Variants in NOTCH2NLA observed in about 807,000 individuals in gnomAD.
The protein encoded by NOTCH2NLA is notch 2 N-terminal like A.
intron 3 of NOTCH2NLA, among the ~76,000 whole-genome samples, chr1:146,158,966 C>T (rs587686920): frequency 6.6e-6 from 1 of 151,492 alleles, no homozygotes; most frequent in East Asian, 2.0e-4. Context: ...TGTCTTTCCA[C>T]TCATGTCACT....
At position 146,187,358 on chromosome 1, in the gene NOTCH2NLA, T is replaced by C. The variant is rs1434095741; in HGVS notation, c.38+1942A>G. The stretch of plus-strand genomic sequence containing the variant: ...AAACACACATGTGCATGTGTCCTTA[T>C]AGTAGAATGATTTATAATCCTTTGG... On this transcript the variant is annotated intron_variant, in intron 2 of 4. Coordinates refer to ENST00000362074, the Ensembl canonical transcript of NOTCH2NLA. Among the ~76,000 whole-genome samples, 8 of 133,782 alleles carry C rather than the reference T, an allele frequency of 6.0e-5. 2 individuals are homozygous for C. Among genetic ancestry groups the C allele is most frequent in the Admixed American group, 2.4e-4 (3 of 12,716 alleles). 87.8% of individuals were successfully genotyped at this position (133,782 alleles called of 152,430 possible).
intron 2 of NOTCH2NLA, among the ~76,000 whole-genome samples, chr1:146,186,193 C>T (rs1185580145): frequency 1.5e-5 from 2 of 134,826 alleles, no homozygotes; most frequent in African/African-American, 5.0e-5. Context: ...TCTTGGTCTC[C>T]CAAAAGGATG....
At chr1:146,172,725 T>C (rs1409335231) in intron 2 of NOTCH2NLA, among the ~76,000 whole-genome samples, 3 of 151,984 alleles carry the variant, frequency 2.0e-5, no homozygotes, top group East Asian at 3.9e-4. Flanking sequence ...ATGCACTACA[T>C]TGTCTCCGCT....
At chr1:146,171,514 C>T (rs1274818524) in intron 2 of NOTCH2NLA, among the ~76,000 whole-genome samples, 1 of 119,088 alleles carries the variant, frequency 8.4e-6, no homozygotes, top group Non-Finnish European at 2.0e-5. Context: ...TGCTTCAACA[C>T]TAGGCTATCC....
chr1:146,219,253 T>TA (rs1663995658), intron 1 of NOTCH2NLA, among the ~76,000 whole-genome samples: 1 of 52,584 alleles, frequency 1.9e-5, no homozygotes, highest in South Asian at 6.0e-4. Context: ...ATTTTTTTAT[T>TA]AAGTATTAAA....
chr1:146,179,586 TAAG>T (rs2102311767), intron 2 of NOTCH2NLA, among the ~76,000 whole-genome samples: 2 of 143,478 alleles, frequency 1.4e-5, no homozygotes, highest in South Asian at 4.3e-4. Flanking sequence ...ACCGTGTCAT[TAAG>T]AAAACGTGAT....
At chr1:146,211,606 C>CT (rs1663815381) in intron 1 of NOTCH2NLA, among the ~76,000 whole-genome samples, 1 of 131,948 alleles carries the variant, frequency 7.6e-6, no homozygotes, top group African/African-American at 2.6e-5. Flanking sequence ...CACTTAGAAG[C>CT]AGCCTATGTT....
At chr1:146,198,822 C>T (rs1476652851) in intron 1 of NOTCH2NLA, among the ~76,000 whole-genome samples, 2 of 74,894 alleles carry the variant, frequency 2.7e-5, no homozygotes, top group African/African-American at 4.6e-5. Context: ...GATGGAGTCT[C>T]GCTCTGTCAC....
At chr1:146,180,784 A>T (rs1662512163) in intron 2 of NOTCH2NLA, among the ~76,000 whole-genome samples, 1 of 134,770 alleles carries the variant, frequency 7.4e-6, no homozygotes, top group African/African-American at 2.5e-5. Context: ...TCACACCCAC[A>T]TATTTATGCT....
At chr1:146,159,176 G>A (rs1242426487) in intron 3 of NOTCH2NLA, among the ~76,000 whole-genome samples, 4 of 151,874 alleles carry the variant, frequency 2.6e-5, no homozygotes, top group Non-Finnish European at 4.4e-5. Flanking sequence ...TGGCCAACAC[G>A]GTGAAACGCC....
At chr1:146,228,123 G>A (rs1664290833) in intron 1 of NOTCH2NLA, among the ~76,000 whole-genome samples, 1 of 136,260 alleles carries the variant, frequency 7.3e-6, no homozygotes, top group Admixed American at 7.1e-5. Context: ...CCGGACTTTC[G>A]GTGGGGTTGG....
chr1:146,158,755 G>C (rs1661298014), intron 3 of NOTCH2NLA, among the ~76,000 whole-genome samples: 1 of 151,642 alleles, frequency 6.6e-6, no homozygotes, highest in Non-Finnish European at 1.5e-5. Context: ...CTAAATCTCT[G>C]ACCTCATAGA....
chr1:146,183,798 C>T, intron 2 of NOTCH2NLA, among the ~76,000 whole-genome samples: 1 of 57,554 alleles, frequency 1.7e-5, no homozygotes, highest in East Asian at 4.1e-4. Flanking sequence ...GCGAATGCAT[C>T]CTCCATAAAA....
Position 146,228,549 on chromosome 1 carries a change from C to T in NOTCH2NLA, c.-45+160G>A. On this transcript the variant is annotated intron_variant, in intron 1 of 4. Coordinates refer to ENST00000362074, the Ensembl canonical transcript of NOTCH2NLA. ...TTGGCGGGGCACCACGGGAGGGGCC[C>T]CCGGCGATGTCCAAACTCTCGGGAA... 7 of 665,340 alleles carry T rather than the reference C, an allele frequency of 1.1e-5. 1 individual carries two copies. The highest frequency in any genetic ancestry group is 1.3e-5 in the Non-Finnish European group (7 of 538,016). 41.2% of individuals were successfully genotyped at this position (665,340 alleles called of 1,614,324 possible).
intron 2 of NOTCH2NLA, among the ~76,000 whole-genome samples, chr1:146,171,257 C>CTT (rs1661963395): frequency 5.6e-5 from 7 of 124,050 alleles, no homozygotes; most frequent in African/African-American, 1.8e-4. Context: ...CAGTGAAACC[C>CTT]TGTCTCTACT....
chr1:146,180,874 T>C (rs1165457268), intron 2 of NOTCH2NLA, among the ~76,000 whole-genome samples: 1 of 113,900 alleles, frequency 8.8e-6, no homozygotes, highest in Non-Finnish European at 2.1e-5. Flanking sequence ...ATTCCTTTGC[T>C]ATCATTCATA....
chr1:146,158,165 T>A (rs1374650311), intron 3 of NOTCH2NLA, among the ~76,000 whole-genome samples: 2 of 149,298 alleles, frequency 1.3e-5, no homozygotes, highest in East Asian at 3.9e-4. Context: ...CCTTGAATTT[T>A]TATTATTATT....
chr1:146,174,776 G>T lies in NOTCH2NLA; in HGVS notation c.39-9766C>A, dbSNP rs1179703264. 2.0e-4 allele frequency among the ~76,000 whole-genome samples: 28 copies of T among 142,030 alleles called. 3 individuals are homozygous for T. The highest frequency in any genetic ancestry group is 3.9e-4 in the Non-Finnish European group (24 of 62,058). The allele number at this position is 142,030 out of a possible 152,430, so 93.2% of individuals were successfully genotyped here. A position where few individuals can be genotyped will look rare whatever the true frequency, so the allele number is the denominator to read the frequency against. On this transcript the variant is annotated intron_variant, in intron 2 of 4. Coordinates refer to ENST00000362074, the Ensembl canonical transcript of NOTCH2NLA. ...CCCTAGCTGAGCTCTAGAGGGGGGA[G>T]CTGTCGTTAAGGTAAATGAGGTAAG...
At chr1:146,186,450 G>T (rs61815742) in intron 2 of NOTCH2NLA, among the ~76,000 whole-genome samples, 3 of 145,164 alleles carry the variant, frequency 2.1e-5, no homozygotes, top group Non-Finnish European at 3.1e-5. Context: ...CGCCTCCTGG[G>T]TTCAGGCCAT....
Sources: allele counts gnomAD v4.1 joint callset (sites outside exome capture counted in the v4.1 genomes callset), GRCh38; gene constraint gnomAD v4.1.1; transcripts MANE v1.5; gene names NCBI Gene and HGNC (gene_info 2026-07-23, HGNC 2026-07-21).